Variants in SECTM1 observed in about 807,000 individuals in gnomAD.
SECTM1 encodes secreted and transmembrane protein 1.
In SECTM1, 10 loss-of-function variants were observed where a neutral mutation model predicts 18.1. The ratio of observed to expected loss-of-function variants is 0.55; its 90% confidence interval spans 0.34 to 0.94. The LOEUF is 0.94. Among genes scored for constraint, SECTM1 ranks in the 40% least tolerant of loss-of-function variants. The pLI, the probability that SECTM1 is intolerant of heterozygous loss-of-function variation, is 0.02. For synonymous variants in SECTM1, 137 were observed against 139.2 expected, an observed-to-expected ratio of 0.98 and a Z score of 0.11; for missense variants, 297 against 322.6, an observed-to-expected ratio of 0.92 and a Z score of 0.61.
At chr17:82,327,632 G>C (rs1205628216) in intron 1 of SECTM1, among the ~76,000 whole-genome samples, 1 of 152,154 alleles carries the variant, frequency 6.6e-6, no homozygotes, top group Non-Finnish European at 1.5e-5. Flanking sequence ...GTCAGGACAG[G>C]TGGAATCGTT....
rs1360268113 is a variant in SECTM1, at chr17:82,328,687, G to A, written c.-52-1395C>T. 6.6e-6 allele frequency among the ~76,000 whole-genome samples: 1 copy of A among 152,242 alleles called. No homozygotes were observed. The highest frequency in any genetic ancestry group is 2.4e-5 in the African/African-American group (1 of 41,464). Reference sequence around the variant, plus strand: ...GACCAGGGAAGGGAAAGTGAGGGGAGGCAGCCTGGGTCTGTTCCAGGTGGG... The same window carrying A: ...GACCAGGGAAGGGAAAGTGAGGGGAAGCAGCCTGGGTCTGTTCCAGGTGGG... On this transcript the variant is annotated intron_variant, in intron 1 of 4. Coordinates refer to ENST00000269389, the MANE Select transcript of SECTM1 (RefSeq NM_003004.3). The surrounding 1 kb of genome is among the most constrained non-coding windows in gnomAD (Gnocchi z 5.8).
In SECTM1 at chr17:82,328,264, G is replaced by C. The variant is rs927951560; in HGVS notation, c.-52-972C>G. On this transcript the variant is annotated intron_variant, in intron 1 of 4. Coordinates refer to ENST00000269389, the MANE Select transcript of SECTM1 (RefSeq NM_003004.3). The surrounding 1 kb of genome is among the most constrained non-coding windows in gnomAD (Gnocchi z 5.8). ...GGCTCCTCTCCCGCCAGGCAGAGGC[G>C]GCTCCAGGGCACACACCCACGGTGC... The C allele has an allele frequency of 6.6e-6, 1 of 152,108 alleles. No individual in the cohort carries two copies. Among genetic ancestry groups the C allele is most frequent in the Non-Finnish European group, 1.5e-5 (1 of 68,016 alleles). The allele number at this position is 152,108 out of a possible 1,614,324, so 9.4% of individuals were successfully genotyped here. A position where few individuals can be genotyped will look rare whatever the true frequency, so the allele number is the denominator to read the frequency against.
In SECTM1 at chr17:82,333,151, C is replaced by T. The variant is rs530358323; in HGVS notation, c.-53+549G>A. Among the ~76,000 whole-genome samples, 3 of 152,340 alleles carry T rather than the reference C, an allele frequency of 2.0e-5. No homozygotes were observed. In the East Asian group the frequency reaches 5.8e-4, roughly 29 times the overall value. On this transcript the variant is annotated intron_variant, in intron 1 of 4. Transcript: ENST00000269389. ...TGGAGTGTGCAACAGTCCACGCGTG[C>T]CTGCGTGTGCTCATGTGCGTGTGTC... is the stretch of plus-strand genomic sequence containing the variant.
In SECTM1 at chr17:82,330,731, C is replaced by T. The variant is rs533680818; in HGVS notation, c.-53+2969G>A. On this transcript the variant is annotated intron_variant, in intron 1 of 4. Transcript: ENST00000269389. The surrounding 1 kb of genome is among the most constrained non-coding windows in gnomAD (Gnocchi z 6.1). ...AGCTGCTCCTAGATGCCTCTGCCAC[C>T]GAGGGTGGACCCTGCAGTGCTGGCT... 7.2e-5 allele frequency among the ~76,000 whole-genome samples: 11 copies of T among 152,236 alleles called. No homozygotes were observed. The highest frequency in any genetic ancestry group is 2.2e-4 in the African/African-American group (9 of 41,530).
intron 1 of SECTM1, among the ~76,000 whole-genome samples, chr17:82,331,707 G>A (rs560891646): frequency 6.6e-6 from 1 of 152,368 alleles, no homozygotes; most frequent in Non-Finnish European, 1.5e-5. Flanking sequence ...AAAAATCAGA[G>A]AGAGGGCAGG....
intron 2 of SECTM1, 72 bp from the exon 3 acceptor site, chr17:82,324,962 G>A (rs1282608350): frequency 1.4e-6 from 2 of 1,433,282 alleles, no homozygotes; most frequent in Non-Finnish European, 1.9e-6. Flanking sequence ...CTGTGCCCAG[G>A]GCCAGGGCCA....
At position 82,327,212 on chromosome 17, in the gene SECTM1, C is replaced by T; in HGVS notation, c.29G>A (p.Gly10Asp). ...GGTCCCAAGGGCCTGGGAAACGTGG[C>T]CAGGGAATGCCAGGGGGCAGGTCTG... The part of the protein sequence containing the change: MQTCPLAFP[G>D]HVSQALGTLL... The change falls in exon 2 of 5, where the codon GGC (glycine) becomes GAC (aspartate). Residue 10 changes from glycine to aspartate, a missense_variant. Physicochemically the swap from Gly to Asp is moderately conservative, Grantham distance 94. Transcript: ENST00000269389. The T allele has an allele frequency of 6.2e-7, 1 of 1,610,664 alleles. No homozygotes were observed. Among genetic ancestry groups the T allele is most frequent in the Non-Finnish European group, 8.5e-7 (1 of 1,178,516 alleles).
At chr17:82,332,050 G>T (rs991525316) in intron 1 of SECTM1, among the ~76,000 whole-genome samples, 5 of 152,088 alleles carry the variant, frequency 3.3e-5, no homozygotes, top group African/African-American at 9.6e-5. Context: ...GCTGAGGCAG[G>T]AGAATCGCTT....
rs1399757731 is a variant in SECTM1, at chr17:82,321,434, C to T, written c.*727G>A. ...ACATCAAAGGGCCCCGCCGCAGTGA[C>T]GAAGACAAAAGCATGAACAGATCTG... On this transcript the variant is annotated 3_prime_UTR_variant, in exon 5 of 5. Transcript: ENST00000269389. The T allele has an allele frequency of 6.6e-6, 1 of 152,276 alleles. No individual in the cohort carries two copies. The highest frequency in any genetic ancestry group is 2.1e-4 in the South Asian group (1 of 4,850). The allele number at this position is 152,276 out of a possible 1,614,324, so 9.4% of individuals were successfully genotyped here.
chr17:82,331,731 C>G (rs994370668), intron 1 of SECTM1, among the ~76,000 whole-genome samples: 1 of 152,244 alleles, frequency 6.6e-6, no homozygotes, highest in Non-Finnish European at 1.5e-5. Flanking sequence ...CAGGGCGCGG[C>G]CCCAGGGAAA....
intron 1 of SECTM1, among the ~76,000 whole-genome samples, chr17:82,332,638 AC>A (rs2052200941): frequency 6.6e-6 from 1 of 152,024 alleles, no homozygotes; most frequent in Non-Finnish European, 1.5e-5. Context: ...CATGGACCCC[AC>A]CCAGGCCCAC....
At chr17:82,322,412 C>T (rs2052102349) in intron 4 of SECTM1, 42 bp from the exon 5 acceptor site, 1 of 1,582,492 alleles carries the variant, frequency 6.3e-7, no homozygotes, top group Non-Finnish European at 8.7e-7. Flanking sequence ...GCCGCGCGCC[C>T]CCGTGCCCAC....
rs1000293046 is a variant in SECTM1, at chr17:82,330,820, G to A, written c.-53+2880C>T. Among the ~76,000 whole-genome samples the A allele has an allele frequency of 2.0e-5, 3 of 152,194 alleles. No individual in the cohort carries two copies. The highest frequency in any genetic ancestry group is 3.9e-4 in the East Asian group (2 of 5,162). ...CCCTGGGCTGCAGTGGTTGGGGAGA[G>A]GGGGGTGGGAGTGAGAAGCTGGCAC... On this transcript the variant is annotated intron_variant, in intron 1 of 4. Coordinates refer to ENST00000269389, the MANE Select transcript of SECTM1 (RefSeq NM_003004.3). The surrounding 1 kb of genome is among the most constrained non-coding windows in gnomAD (Gnocchi z 6.1).
chr17:82,323,182 G>T, intron 3 of SECTM1, 171 bp from the exon 4 acceptor site: 2 of 707,950 alleles, frequency 2.8e-6, no homozygotes, highest in Non-Finnish European at 4.6e-6. Flanking sequence ...GAGCCAGGAG[G>T]AGAGGGGGCG....
At chr17:82,322,819 T>C in intron 4 of SECTM1, 59 bp downstream of exon 4, 1 of 1,593,334 alleles carries the variant, frequency 6.3e-7, no homozygotes, top group Non-Finnish European at 8.6e-7. Context: ...GACCTCAGCC[T>C]GGGGCAGCCC....
rs966317955 is a variant in SECTM1 at position 82,330,432 on chromosome 17, T to G, written c.-52-3140A>C. Among the ~76,000 whole-genome samples, 4 of 152,112 alleles carry G rather than the reference T, an allele frequency of 2.6e-5. No individual in the cohort carries two copies. Among genetic ancestry groups the G allele is most frequent in the Admixed American group, 2.6e-4 (4 of 15,282 alleles). ...CCCAGAGAGCCCCGACAGCGCTGCG[T>G]CCACCCCACCTGCCCACCCAGGTGC... On this transcript the variant is annotated intron_variant, in intron 1 of 4. Coordinates refer to ENST00000269389, the MANE Select transcript of SECTM1 (RefSeq NM_003004.3). The surrounding 1 kb of genome is among the most constrained non-coding windows in gnomAD (Gnocchi z 6.1).
intron 1 of SECTM1, among the ~76,000 whole-genome samples, chr17:82,327,587 G>A (rs115927703): frequency 4.3e-4 from 66 of 152,290 alleles, no homozygotes; most frequent in African/African-American, 1.5e-3. Context: ...TAAATTACTC[G>A]TAACTGTGCC....
At chr17:82,322,407 G>C in intron 4 of SECTM1, 37 bp from the exon 5 acceptor site, 1 of 1,592,320 alleles carries the variant, frequency 6.3e-7, no homozygotes, top group South Asian at 1.1e-5. Flanking sequence ...TGTGAGCCGC[G>C]CGCCCCCGTG....
chr17:82,324,662 C>T lies in SECTM1; in HGVS notation c.323G>A (p.Arg108Gln), dbSNP rs747277114. The stretch of plus-strand genomic sequence containing the variant: ...CATGTACAGCCCAGCATGGGAGTCC[C>T]GGGCGCCTTTGATCACCAGCTGTGC... ...GVAQLVIKGA[R>Q]DSHAGLYMWH... is the part of the protein sequence containing the mutation. Residue 108 changes from arginine to glutamine, a missense_variant, in exon 3 of 5, where the codon CGG becomes CAG. Arg to Gln is a conservative substitution (Grantham distance 43, BLOSUM62 1). Coordinates refer to ENST00000269389, the MANE Select transcript of SECTM1 (RefSeq NM_003004.3). 14 of 1,613,868 alleles carry T rather than the reference C, an allele frequency of 8.7e-6. No individual in the cohort carries two copies. The East Asian group carries it at 1.3e-4, about 15-fold the overall frequency.
Sources: allele counts gnomAD v4.1 joint callset (sites outside exome capture counted in the v4.1 genomes callset), GRCh38; gene constraint gnomAD v4.1.1; non-coding constraint Gnocchi (gnomAD v3.1); transcripts MANE v1.5; gene names NCBI Gene and HGNC (gene_info 2026-07-23, HGNC 2026-07-21).